LUZP2: variants seen among roughly 807,000 people sequenced by gnomAD.
The protein encoded by LUZP2 is leucine zipper protein 2.
Under a neutral mutation model 51.6 loss-of-function variants are expected in LUZP2, and 52 were observed. The observed-to-expected ratio is 1.01, with a 90% confidence interval of 0.81 to 1.27. LUZP2 has a LOEUF of 1.27. Among genes scored for constraint, LUZP2 ranks in the 50% most tolerant of loss-of-function variants. The pLI is 0.00. For synonymous variants in LUZP2, 154 were observed against 137.3 expected (o/e 1.12, Z -0.85); for missense variants, 436 against 395.4 (o/e 1.10, Z -0.87).
intron 5 of LUZP2, among the ~76,000 whole-genome samples, chr11:24,815,285 G>A (rs1850147354): frequency 6.6e-6 from 1 of 152,094 alleles, no homozygotes; most frequent in South Asian, 2.1e-4. Context: ...AATCATCTAT[G>A]TTAATTCTTA....
chr11:24,887,125 G>A (rs1017564396), intron 5 of LUZP2, among the ~76,000 whole-genome samples: 2 of 152,118 alleles, frequency 1.3e-5, no homozygotes, highest in Non-Finnish European at 2.9e-5. Context: ...TGCTGGGAAC[G>A]CTATGGACCT....
chr11:24,871,272 T>C (rs1180382651), intron 5 of LUZP2, among the ~76,000 whole-genome samples: 1 of 152,126 alleles, frequency 6.6e-6, no homozygotes, highest in Non-Finnish European at 1.5e-5. Context: ...ATTACTTTTG[T>C]CACTAATGAA....
intron 9 of LUZP2, among the ~76,000 whole-genome samples, chr11:25,044,656 TC>T (rs1236096988): frequency 1.3e-5 from 2 of 152,036 alleles, no homozygotes; most frequent in African/African-American, 4.8e-5. Context: ...GTGTGGCGAT[TC>T]CTCAGGGATC....
intron 7 of LUZP2, among the ~76,000 whole-genome samples, chr11:24,943,742 G>A (rs537382203): frequency 8.4e-4 from 127 of 151,994 alleles, no homozygotes; most frequent in Non-Finnish European, 1.1e-3. Flanking sequence ...GTTGGGTGTC[G>A]TGGTGCATGC....
chr11:24,536,563 T>C (rs928402044), intron 1 of LUZP2, among the ~76,000 whole-genome samples: 1 of 151,900 alleles, frequency 6.6e-6, no homozygotes, highest in Non-Finnish European at 1.5e-5. Context: ...CTTCAGCACC[T>C]CTCTCAGCCT....
At chr11:24,847,410 C>T (rs1287770315) in intron 5 of LUZP2, among the ~76,000 whole-genome samples, 3 of 152,040 alleles carry the variant, frequency 2.0e-5, no homozygotes, top group Non-Finnish European at 4.4e-5. Flanking sequence ...ACAGACATTT[C>T]GTTCTAGAGG....
intron 6 of LUZP2, among the ~76,000 whole-genome samples, chr11:24,913,915 G>A (rs936422413): frequency 3.2e-4 from 48 of 152,164 alleles, no homozygotes; most frequent in South Asian, 2.5e-3. Context: ...GCAAACTGCT[G>A]AGAAAGATTT....
intron 9 of LUZP2, among the ~76,000 whole-genome samples, chr11:25,018,058 T>G (rs1163072812): frequency 7.7e-6 from 1 of 129,390 alleles, no homozygotes. Context: ...GTTTTTTTTT[T>G]TGCAGCTGTT....
chr11:24,753,422 G>T (rs180683208), intron 4 of LUZP2, among the ~76,000 whole-genome samples: 57 of 152,176 alleles, frequency 3.7e-4, no homozygotes, highest in Admixed American at 1.3e-3. Context: ...GTCCCCCAGG[G>T]TATAGGGCAA....
chr11:24,558,478 T>A (rs1851938659), intron 1 of LUZP2, among the ~76,000 whole-genome samples: 1 of 152,000 alleles, frequency 6.6e-6, no homozygotes, highest in Admixed American at 6.6e-5. Context: ...AAAAAAATTA[T>A]GTTCATCACA....
intron 5 of LUZP2, among the ~76,000 whole-genome samples, chr11:24,874,938 T>A (rs1227695853): frequency 6.6e-6 from 1 of 152,126 alleles, no homozygotes; most frequent in Non-Finnish European, 1.5e-5. Flanking sequence ...ATATTTTACT[T>A]TCGTCTGAGC....
intron 10 of LUZP2, among the ~76,000 whole-genome samples, chr11:25,074,802 T>C (rs907335203): frequency 6.6e-6 from 1 of 152,132 alleles, no homozygotes; most frequent in Non-Finnish European, 1.5e-5. Context: ...TGTGTTTTTT[T>C]AGCAGTCACC....
At chr11:24,584,003 C>T (rs141411318) in intron 1 of LUZP2, among the ~76,000 whole-genome samples, 1,982 of 152,056 alleles carry the variant, frequency 0.013, 18 homozygotes, top group South Asian at 0.023. Context: ...TGAGCCACCG[C>T]GCCTGACCTA....
intron 1 of LUZP2, among the ~76,000 whole-genome samples, chr11:24,543,219 A>C (rs980969412): frequency 1.3e-5 from 2 of 149,288 alleles, no homozygotes; most frequent in Non-Finnish European, 2.9e-5. Context: ...TGGTTTATTT[A>C]AAATATAAAT....
chr11:24,500,266 T>C (rs899458291), intron 1 of LUZP2, among the ~76,000 whole-genome samples: 4 of 152,174 alleles, frequency 2.6e-5, no homozygotes. Context: ...AAAGAGCTGT[T>C]TAATGTCCTG....
chr11:24,896,143 G>C (rs1181246458), intron 5 of LUZP2, among the ~76,000 whole-genome samples: 5 of 152,224 alleles, frequency 3.3e-5, no homozygotes, highest in Admixed American at 3.3e-4. Context: ...TAGCAGCCCT[G>C]GCTGGCCTTC....
At chr11:24,738,846 C>T (rs1859033149) in intron 4 of LUZP2, among the ~76,000 whole-genome samples, 1 of 152,068 alleles carries the variant, frequency 6.6e-6, no homozygotes, top group Admixed American at 6.6e-5. Context: ...CCCACCGTTT[C>T]AGCTCTTACT....
chr11:24,567,052 A>G (rs1431039996), intron 1 of LUZP2, among the ~76,000 whole-genome samples: 3 of 149,088 alleles, frequency 2.0e-5, no homozygotes, highest in Non-Finnish European at 3.0e-5. Flanking sequence ...CATGTTGGCC[A>G]GGATGGTCTT....
chr11:24,703,783 C>A (rs1857486949), intron 1 of LUZP2, among the ~76,000 whole-genome samples: 1 of 151,704 alleles, frequency 6.6e-6, no homozygotes, highest in Non-Finnish European at 1.5e-5. Context: ...GAGCCGAGAT[C>A]ATGCCTTTGC....
Sources: allele counts gnomAD v4.1 joint callset (sites outside exome capture counted in the v4.1 genomes callset), GRCh38; gene constraint gnomAD v4.1.1; transcripts MANE v1.5; gene names NCBI Gene and HGNC (gene_info 2026-07-23, HGNC 2026-07-21).